The following FANK1 variants were observed in gnomAD, a reference collection of about 807,000 sequenced individuals.
FANK1 encodes fibronectin type 3 and ankyrin repeat domains protein 1.
A neutral mutation model predicts 45.3 loss-of-function variants in FANK1; 44 were observed. That is an observed-to-expected ratio of 0.97 (90% confidence interval 0.76 to 1.25). The LOEUF is 1.25. Among genes scored for constraint, FANK1 ranks in the 50% most tolerant of loss-of-function variants. The pLI is 0.00. For missense variants in FANK1, 391 were observed against 424.4 expected (o/e 0.92, Z 0.69); for synonymous variants, 149 against 152.5 (o/e 0.98, Z 0.17).
chr10:125,936,981 C>A (rs931127555), intron 1 of FANK1, among the ~76,000 whole-genome samples: 2 of 152,010 alleles, frequency 1.3e-5, no homozygotes, highest in Admixed American at 1.3e-4. Flanking sequence ...GCAGGATAAT[C>A]GCTTGAACCC....
At chr10:125,951,239 A>AC (rs1949205649) in intron 1 of FANK1, among the ~76,000 whole-genome samples, 2 of 150,564 alleles carry the variant, frequency 1.3e-5, no homozygotes, top group Admixed American at 6.7e-5. Flanking sequence ...TAAAGTATAA[A>AC]AAAAAAAAAA....
rs551187177 is a variant in FANK1, at chr10:125,963,317, C to A, written c.14-16844C>A. 4.2e-4 allele frequency among the ~76,000 whole-genome samples: 64 copies of A among 152,274 alleles called. 2 individuals are homozygous for A. In the South Asian group the frequency reaches 0.013, roughly 31 times the overall value. Reference sequence around the variant, plus strand: ...TTGCTGGGACTGTAAACTAGTTCAACCATTGTGGGAGACAGTGTGGTGATT... The same window carrying A: ...TTGCTGGGACTGTAAACTAGTTCAAACATTGTGGGAGACAGTGTGGTGATT... On this transcript the variant is annotated intron_variant, in intron 1 of 10. Coordinates refer to ENST00000368693, the MANE Select transcript of FANK1 (RefSeq NM_145235.5).
intron 3 of FANK1, chr10:125,988,882 C>A: frequency 1.3e-6 from 1 of 771,222 alleles, no homozygotes; most frequent in Non-Finnish European, 2.1e-6. Flanking sequence ...ACTGGGAGAG[C>A]TATTTTTGTG....
At chr10:125,936,622 T>C (rs1948115933) in intron 1 of FANK1, among the ~76,000 whole-genome samples, 1 of 152,204 alleles carries the variant, frequency 6.6e-6, no homozygotes, top group Non-Finnish European at 1.5e-5. Flanking sequence ...ATCTGACTTA[T>C]TTTCCCCAAC....
Position 125,900,524 on chromosome 10 carries a change from C to T in FANK1, c.13+3869C>T, listed in dbSNP as rs1188553447. Among the ~76,000 whole-genome samples the T allele has an allele frequency of 2.0e-5, 3 of 152,042 alleles. No homozygotes were observed. In the East Asian group the frequency reaches 5.8e-4, roughly 29 times the overall value. ...TTATCAAATGCAGCATCAAGAGAAGCCCCCCGGCTCCCACTTGGTGCTACC... is the reference window on the plus strand; with the variant it reads ...TTATCAAATGCAGCATCAAGAGAAGTCCCCCGGCTCCCACTTGGTGCTACC... On this transcript the variant is annotated intron_variant, in intron 1 of 10. Transcript: ENST00000368693.
chr10:125,987,782 A>G (rs933671831), intron 2 of FANK1, among the ~76,000 whole-genome samples: 1 of 152,154 alleles, frequency 6.6e-6, no homozygotes, highest in African/African-American at 2.4e-5. Context: ...GACCTGCCTC[A>G]CAAGCAGAAG....
At chr10:125,974,633 C>A (rs989117150) in intron 1 of FANK1, among the ~76,000 whole-genome samples, 2 of 152,124 alleles carry the variant, frequency 1.3e-5, no homozygotes, top group African/African-American at 4.8e-5. Context: ...TTCTTTGCAC[C>A]TTGATTTCTC....
At chr10:125,999,428 G>A (rs1043520028) in intron 6 of FANK1, among the ~76,000 whole-genome samples, 1 of 152,042 alleles carries the variant, frequency 6.6e-6, no homozygotes, top group Non-Finnish European at 1.5e-5. Flanking sequence ...CTTGATAGAA[G>A]TATCTTATTT....
At position 126,008,548 on chromosome 10, in the gene FANK1, A is replaced by G. The variant is rs1281908824; in HGVS notation, c.847A>G (p.Met283Val). Residue 283 changes from methionine to valine, a missense_variant and splice_region_variant, in exon 8 of 11, where the codon ATG becomes GTG. Coordinates refer to ENST00000368693, the MANE Select transcript of FANK1 (RefSeq NM_145235.5). The stretch of plus-strand genomic sequence containing the variant: ...GGACAGAAATGGAAAGACGCCCCTT[A>G]TGGTAGGTCCTCCTCCCGAAAATAG... ...VKDRNGKTPL[M>V]VAVLNNHEEL... 1.9e-6 allele frequency: 3 copies of G among 1,606,756 alleles called. No individual in the cohort carries two copies. The highest frequency in any genetic ancestry group is 3.5e-5 in the Admixed American group (2 of 57,970).
rs553749962 is a variant in FANK1 at position 125,970,288 on chromosome 10, C to T, written c.14-9873C>T. Among the ~76,000 whole-genome samples the T allele has an allele frequency of 1.0e-4, 15 of 150,692 alleles. No individual in the cohort carries two copies. In the South Asian group the frequency reaches 1.7e-3, roughly 17 times the overall value. On this transcript the variant is annotated intron_variant, in intron 1 of 10. Coordinates refer to ENST00000368693, the MANE Select transcript of FANK1 (RefSeq NM_145235.5). ...AGATGGGGCGGCTGCTGGGCGGGGG[C>T]GCCCCCTGCCTCCCAGACGGGGCGG...
chr10:125,914,495 A>G (rs542804951), intron 1 of FANK1, among the ~76,000 whole-genome samples: 22 of 152,166 alleles, frequency 1.4e-4, no homozygotes, highest in African/African-American at 4.6e-4. Flanking sequence ...ACTTGTGGAT[A>G]GACACACCTC....
At chr10:125,980,360 T>A (rs781091103) in intron 2 of FANK1, 22 bp downstream of exon 2, 1 of 1,595,150 alleles carries the variant, frequency 6.3e-7, no homozygotes, top group Non-Finnish European at 8.5e-7. Flanking sequence ...GTTGAATTGC[T>A]TGCCACTTTG....
chr10:125,945,554 A>AC (rs1448203442), intron 1 of FANK1, among the ~76,000 whole-genome samples: 1 of 152,156 alleles, frequency 6.6e-6, no homozygotes, highest in East Asian at 1.9e-4. Flanking sequence ...GGCTTAAAAA[A>AC]CGGCGAACCA....
chr10:125,965,169 TAAAC>T (rs776018556), intron 1 of FANK1, among the ~76,000 whole-genome samples: 6 of 152,128 alleles, frequency 3.9e-5, no homozygotes, highest in Admixed American at 2.0e-4. Context: ...AATAAATAAA[TAAAC>T]AAATAAACAA....
rs144457231 is a variant in FANK1 at position 125,937,948 on chromosome 10, C to T, written c.13+41293C>T. On this transcript the variant is annotated intron_variant, in intron 1 of 10. Coordinates refer to ENST00000368693, the MANE Select transcript of FANK1 (RefSeq NM_145235.5). ...ATTCAAAACTAAACATTTACAAAGA[C>T]GGAAAAAACTGAAATATCATACAAA... Among the ~76,000 whole-genome samples the T allele has an allele frequency of 8.0e-4, 121 of 152,110 alleles. 2 individuals are homozygous for T. In the East Asian group the frequency reaches 0.012, roughly 15 times the overall value.
chr10:125,996,975 A>G (rs1952378602), intron 5 of FANK1, among the ~76,000 whole-genome samples: 1 of 152,158 alleles, frequency 6.6e-6, no homozygotes, highest in Non-Finnish European at 1.5e-5. Context: ...TTGCTAAGTT[A>G]TAATTTTCAC....
chr10:125,945,117 C>T (rs1295024155), intron 1 of FANK1, among the ~76,000 whole-genome samples: 1 of 152,214 alleles, frequency 6.6e-6, no homozygotes, highest in Middle Eastern at 3.4e-3. Context: ...GTAAACAAGC[C>T]TCATTGTGTT....
At position 125,987,991 on chromosome 10, in the gene FANK1, A is replaced by G. The variant is rs550032582; in HGVS notation, c.192-560A>G. On this transcript the variant is annotated intron_variant, in intron 2 of 10. Transcript: ENST00000368693. Reference sequence around the variant, plus strand: ...GCATCCATTTCCCACAAACATTCCTAAGATGAACTTGACCATGGGGCATGA... The same window carrying G: ...GCATCCATTTCCCACAAACATTCCTGAGATGAACTTGACCATGGGGCATGA... Among the ~76,000 whole-genome samples the G allele has an allele frequency of 6.4e-4, 98 of 152,312 alleles. 3 individuals are homozygous for G. The highest frequency in any genetic ancestry group is 2.1e-4 in the Non-Finnish European group (14 of 68,028).
intron 1 of FANK1, among the ~76,000 whole-genome samples, chr10:125,896,919 G>A (rs950326376): frequency 3.3e-5 from 5 of 152,146 alleles, no homozygotes; most frequent in African/African-American, 4.8e-5. Flanking sequence ...GTATGGGTGG[G>A]GAAGGGCGCA....
Sources: gnomAD v4.1 joint callset for allele counts (sites outside exome capture counted in the v4.1 genomes callset) on GRCh38, gnomAD v4.1.1 for gene constraint, MANE v1.5 for transcripts, NCBI Gene and HGNC (gene_info 2026-07-23, HGNC 2026-07-21) for gene names.